The following AUTS2 variants were observed in gnomAD, a reference collection of about 807,000 sequenced individuals.
AUTS2 encodes autism susceptibility gene 2 protein.
Under a neutral mutation model 112.4 loss-of-function variants are expected in AUTS2, and 17 were observed. The observed-to-expected ratio is 0.15, with a 90% CI of 0.10 to 0.23. The LOEUF (loss-of-function observed/expected upper bound fraction) is 0.23. Ranked by LOEUF, AUTS2 falls within the 10% of genes least tolerant of loss-of-function variation. AUTS2 has a pLI of 1.00. For synonymous variants in AUTS2, 751 were observed against 702.7 expected, an observed-to-expected ratio of 1.07 and a Z score of -1.09; for missense variants, 1,510 against 1,701.6, an observed-to-expected ratio of 0.89 and a Z score of 1.98.
intron 6 of AUTS2, among the ~76,000 whole-genome samples, chr7:70,757,242 G>A (rs184362235): frequency 1.3e-3 from 193 of 152,286 alleles, no homozygotes; most frequent in Admixed American, 3.2e-3. Flanking sequence ...TTATTATGAA[G>A]TGGATCCTTT....
At chr7:69,698,482 T>C (rs1436616045) in intron 1 of AUTS2, among the ~76,000 whole-genome samples, 2 of 152,218 alleles carry the variant, frequency 1.3e-5, no homozygotes, top group Admixed American at 1.3e-4. Flanking sequence ...AGTGGCAGCC[T>C]GTCTACCATT....
chr7:70,262,445 CT>C lies in AUTS2; in HGVS notation c.660+127878del, dbSNP rs375786685. On this transcript the variant is annotated intron_variant, in intron 4 of 18. Transcript: ENST00000342771. ...CGTCAAGTGATCCACCCCCCTCCGC[CT>C]TTTAAAGACCTGACATCTTAGTTGT... Among the ~76,000 whole-genome samples the C allele has an allele frequency of 3.2e-3, 480 of 152,294 alleles. 3 individuals carry two copies. The highest frequency in any genetic ancestry group is 4.7e-3 in the Non-Finnish European group (320 of 68,022).
At chr7:70,612,650 A>T (rs1397147198) in intron 5 of AUTS2, among the ~76,000 whole-genome samples, 1 of 152,120 alleles carries the variant, frequency 6.6e-6, no homozygotes, top group Non-Finnish European at 1.5e-5. Flanking sequence ...ATGACCTTCC[A>T]TTTCAAGGAG....
intron 4 of AUTS2, among the ~76,000 whole-genome samples, chr7:70,369,354 A>G (rs1792733171): frequency 6.6e-6 from 1 of 152,178 alleles, no homozygotes; most frequent in South Asian, 2.1e-4. Flanking sequence ...CAGTGGGGCA[A>G]AAAAGCTCAT....
intron 5 of AUTS2, among the ~76,000 whole-genome samples, chr7:70,624,865 C>T (rs1407630893): frequency 6.6e-6 from 1 of 152,120 alleles, no homozygotes; most frequent in Non-Finnish European, 1.5e-5. Flanking sequence ...TTCATTAAAC[C>T]CCATCTGCAC....
Position 70,480,172 on chromosome 7 carries a change from T to G in AUTS2, c.690+44391T>G, listed in dbSNP as rs530619003. ...TGGAATGGGTTTCTCACAAGTGATA[T>G]CAAGGGAAAAAACTAGACGGATATG... On this transcript the variant is annotated intron_variant, in intron 5 of 18. Coordinates refer to ENST00000342771, the MANE Select transcript of AUTS2 (RefSeq NM_015570.4). Among the ~76,000 whole-genome samples the G allele has an allele frequency of 3.3e-5, 5 of 152,322 alleles. No individual in the cohort carries two copies. In the South Asian group the frequency reaches 8.3e-4, roughly 25 times the overall value.
At chr7:70,197,343 G>C (rs1318313904) in intron 4 of AUTS2, among the ~76,000 whole-genome samples, 3 of 152,028 alleles carry the variant, frequency 2.0e-5, no homozygotes, top group Non-Finnish European at 4.4e-5. Context: ...GAGGAGCCAA[G>C]ATGGCCGAAT....
chr7:70,711,539 G>A (rs960335062), intron 6 of AUTS2, among the ~76,000 whole-genome samples: 1 of 152,160 alleles, frequency 6.6e-6, no homozygotes, highest in Non-Finnish European at 1.5e-5. Flanking sequence ...CCTGGGCGCC[G>A]AGCAGCTGCC....
intron 2 of AUTS2, among the ~76,000 whole-genome samples, chr7:70,102,629 C>T (rs1465464318): frequency 1.3e-5 from 2 of 152,012 alleles, no homozygotes; most frequent in Non-Finnish European, 1.5e-5. Context: ...ACATGCCTTT[C>T]TATTCTTTTC....
chr7:70,408,558 T>G (rs1172234336), intron 4 of AUTS2, among the ~76,000 whole-genome samples: 2 of 152,192 alleles, frequency 1.3e-5, no homozygotes, highest in African/African-American at 4.8e-5. Context: ...CATCTAGTGC[T>G]TACAGCACCT....
In AUTS2 at chr7:70,762,910, C is replaced by A. The variant is rs1789657276; in HGVS notation, c.783C>A (p.Ser261Arg). 6.2e-7 allele frequency: 1 copy of A among 1,614,064 alleles called. No homozygotes were observed. Among genetic ancestry groups the A allele is most frequent in the East Asian group, 2.2e-5 (1 of 44,868 alleles). Residue 261 changes from serine (S) to arginine (R), a missense_variant, in exon 7 of 19, where the codon AGC becomes AGA. Ser to Arg is a moderately radical substitution (Grantham distance 110). This residue lies in a region of AUTS2 where 535 missense variants were observed against 594.3 expected (regional missense o/e 0.90). Transcript: ENST00000342771. ...TTGGCACGCTACCAGAACATGACAG[C>A]CAGGATGCAGGGCCGATTGTCCCCA... ...LGVGTLPEHD[S>R]QDAGPIVPKI...
At chr7:70,372,328 A>G (rs1317862667) in intron 4 of AUTS2, among the ~76,000 whole-genome samples, 2 of 152,220 alleles carry the variant, frequency 1.3e-5, no homozygotes, top group African/African-American at 2.4e-5. Context: ...TTTGTAGAGG[A>G]AGATATCCTA....
intron 5 of AUTS2, among the ~76,000 whole-genome samples, chr7:70,556,086 A>G (rs1051596044): frequency 6.6e-6 from 1 of 152,180 alleles, no homozygotes; most frequent in Non-Finnish European, 1.5e-5. Flanking sequence ...GATTACAGGC[A>G]TGAGCCACCA....
intron 1 of AUTS2, among the ~76,000 whole-genome samples, chr7:69,803,973 A>G (rs1790193321): frequency 6.6e-6 from 1 of 152,184 alleles, no homozygotes; most frequent in Non-Finnish European, 1.5e-5. Context: ...TTGCGGCTGC[A>G]GTGATCATTG....
At chr7:70,207,845 C>T (rs1584876855) in intron 4 of AUTS2, among the ~76,000 whole-genome samples, 1 of 152,016 alleles carries the variant, frequency 6.6e-6, no homozygotes, top group East Asian at 1.9e-4. Flanking sequence ...AACCCCATCT[C>T]TACTAAATAT....
At chr7:70,064,769 G>T (rs1214323172) in intron 2 of AUTS2, among the ~76,000 whole-genome samples, 2 of 152,186 alleles carry the variant, frequency 1.3e-5, no homozygotes, top group Non-Finnish European at 2.9e-5. Flanking sequence ...GTGAAGCTTT[G>T]TGTTGGAGCC....
At chr7:70,710,936 G>A (rs978308354) in intron 6 of AUTS2, among the ~76,000 whole-genome samples, 1 of 152,240 alleles carries the variant, frequency 6.6e-6, no homozygotes, top group Non-Finnish European at 1.5e-5. Context: ...CTCTTCCCAA[G>A]ATGTTAGACA....
chr7:70,163,829 G>A (rs1278157325), intron 4 of AUTS2, among the ~76,000 whole-genome samples: 1 of 152,182 alleles, frequency 6.6e-6, no homozygotes, highest in African/African-American at 2.4e-5. Context: ...TCATTGGGGT[G>A]GAGGAAGAAA....
chr7:70,703,879 G>A (rs576888095), intron 6 of AUTS2, among the ~76,000 whole-genome samples: 1 of 152,306 alleles, frequency 6.6e-6, no homozygotes, highest in East Asian at 1.9e-4. Context: ...TGTCTGGAGA[G>A]TTAAGTAGTA....
Sources: allele counts gnomAD v4.1 joint callset (sites outside exome capture counted in the v4.1 genomes callset), GRCh38; gene constraint gnomAD v4.1.1; regional missense constraint gnomAD v4.1.1; transcripts MANE v1.5; gene names NCBI Gene and HGNC (gene_info 2026-07-23, HGNC 2026-07-21).